The following NECTIN1 variants were observed in gnomAD, a reference collection of about 807,000 sequenced individuals.
NECTIN1 encodes the protein nectin-1.
A neutral mutation model predicts 48.0 loss-of-function variants in NECTIN1; 23 were observed. The ratio of observed to expected loss-of-function variants is 0.48; its 90% CI spans 0.34 to 0.68. The LOEUF (loss-of-function observed/expected upper bound fraction) is 0.68. Among genes scored for constraint, NECTIN1 ranks in the 30% least tolerant of loss-of-function variants. The pLI, the probability that NECTIN1 is intolerant of heterozygous loss-of-function variation, is 0.01. For missense variants in NECTIN1, 591 were observed against 709.9 expected, an observed-to-expected ratio of 0.83 and a Z score of 1.90; for synonymous variants, 270 against 288.9, an observed-to-expected ratio of 0.93 and a Z score of 0.66.
At chr11:119,697,974 C>T (rs1865371595) in intron 1 of NECTIN1, among the ~76,000 whole-genome samples, 1 of 152,202 alleles carries the variant, frequency 6.6e-6, no homozygotes, top group African/African-American at 2.4e-5. Flanking sequence ...AGCTCCTTAC[C>T]AGGGACAGGG....
rs528106845 is a variant in NECTIN1, at chr11:119,697,361, C to T, written c.80-18596G>A. 5.9e-5 allele frequency among the ~76,000 whole-genome samples: 9 copies of T among 152,296 alleles called. No individual in the cohort carries two copies. In the South Asian group the frequency reaches 1.0e-3, roughly 18 times the overall value. ...TGCTCCAGCCCTGGTCCCATCAGCA[C>T]GGTTGGCATTTCACAGCAACTTTTC... is the stretch of plus-strand genomic sequence containing the variant. On this transcript the variant is annotated intron_variant, in intron 1 of 5. Coordinates refer to ENST00000264025, the MANE Select transcript of NECTIN1 (RefSeq NM_002855.5).
At chr11:119,648,450 G>C (rs934817728) in intron 5 of NECTIN1, among the ~76,000 whole-genome samples, 10 of 132,828 alleles carry the variant, frequency 7.5e-5, no homozygotes, top group African/African-American at 2.9e-4. Flanking sequence ...TGCTGGGCCA[G>C]CTGCATGAAG....
In NECTIN1 at chr11:119,648,460, G is replaced by A. The variant is rs140289421; in HGVS notation, c.1004-8448C>T. On this transcript the variant is annotated intron_variant, in intron 5 of 7. Transcript: ENST00000341398. ...GGTGGTGCTGGGCCAGCTGCATGAAGATGAGCACCAGACTCTTCCAGCACC... is the reference window on the plus strand; with the variant it reads ...GGTGGTGCTGGGCCAGCTGCATGAAAATGAGCACCAGACTCTTCCAGCACC... Among the ~76,000 whole-genome samples, 230 of 113,210 alleles carry A rather than the reference G, an allele frequency of 2.0e-3. 1 individual carries two copies. The highest frequency in any genetic ancestry group is 3.8e-3 in the Middle Eastern group (1 of 260). The allele number at this position is 113,210 out of a possible 152,430, so 74.3% of individuals were successfully genotyped here.
At chr11:119,715,072 G>A (rs538634524) in intron 1 of NECTIN1, among the ~76,000 whole-genome samples, 99 of 152,340 alleles carry the variant, frequency 6.5e-4, no homozygotes, top group African/African-American at 2.2e-3. Context: ...GGGCAGTCAG[G>A]GCTGTCCTGG....
At chr11:119,693,145 C>T (rs1436791011) in intron 1 of NECTIN1, among the ~76,000 whole-genome samples, 1 of 152,204 alleles carries the variant, frequency 6.6e-6, no homozygotes, top group Non-Finnish European at 1.5e-5. Flanking sequence ...CATTCTTCCC[C>T]TGTTCCTCTT....
chr11:119,682,424 G>C (rs1180112893), intron 1 of NECTIN1, among the ~76,000 whole-genome samples: 1 of 152,160 alleles, frequency 6.6e-6, no homozygotes, highest in Non-Finnish European at 1.5e-5. Context: ...CTGCAGCCTT[G>C]ACAACCTGAA....
At chr11:119,715,025 C>T (rs1358962216) in intron 1 of NECTIN1, among the ~76,000 whole-genome samples, 1 of 152,014 alleles carries the variant, frequency 6.6e-6, no homozygotes, top group Non-Finnish European at 1.5e-5. Context: ...GATTCCAACA[C>T]TAATGGGAGG....
At chr11:119,722,559 C>A (rs1223108315) in intron 1 of NECTIN1, among the ~76,000 whole-genome samples, 1 of 152,268 alleles carries the variant, frequency 6.6e-6, no homozygotes, top group Non-Finnish European at 1.5e-5. Flanking sequence ...GGGAGCGAGG[C>A]AGGTGCCGGG....
At chr11:119,674,492 A>G in intron 5 of NECTIN1, 1 of 1,612,398 alleles carries the variant, frequency 6.2e-7, no homozygotes, top group Non-Finnish European at 8.5e-7. Flanking sequence ...GGTACATCAT[A>G]CTGTCCCCGT....
At chr11:119,674,145 T>C (rs1186256180) in intron 5 of NECTIN1, among the ~76,000 whole-genome samples, 1 of 152,138 alleles carries the variant, frequency 6.6e-6, no homozygotes, top group Non-Finnish European at 1.5e-5. Flanking sequence ...TGCAGTGGCT[T>C]TGTGGCCGGA....
downstream of NECTIN1, among the ~76,000 whole-genome samples, chr11:119,660,400 TG>T (rs547588447): frequency 2.5e-4 from 27 of 108,746 alleles, no homozygotes; most frequent in South Asian, 6.0e-4. Flanking sequence ...TGGAGAAAAA[TG>T]GGGGGGTACA....
rs138562509 is a variant in NECTIN1 at position 119,673,799 on chromosome 11, G to A, written c.1003+1360C>T. ...TGAGGCTCATTTTGAGCTGTACTTG[G>A]ACCTTCCCCGCTGGGGAGAAGTGTG... On this transcript the variant is annotated intron_variant, in intron 5 of 5. Coordinates refer to ENST00000264025, the MANE Select transcript of NECTIN1 (RefSeq NM_002855.5). This position sits in a 1 kb window ranked among gnomAD's most constrained non-coding sequence, Gnocchi z 5.8. 1.3e-5 allele frequency among the ~76,000 whole-genome samples: 2 copies of A among 152,266 alleles called. No individual in the cohort carries two copies. Among genetic ancestry groups the A allele is most frequent in the East Asian group, 3.9e-4 (2 of 5,176 alleles).
chr11:119,705,072 C>T (rs1865525021), intron 1 of NECTIN1, among the ~76,000 whole-genome samples: 1 of 152,104 alleles, frequency 6.6e-6, no homozygotes, highest in Admixed American at 6.5e-5. Flanking sequence ...TGATAAGGCT[C>T]TACGGGAGGC....
chr11:119,676,883 A>G (rs1228865018), intron 4 of NECTIN1: 10 of 594,960 alleles, frequency 1.7e-5, no homozygotes, highest in Non-Finnish European at 2.7e-5. Context: ...CTCTGGCAGA[A>G]TAGCTTGTTC....
chr11:119,671,247 G>C (rs1864857825), intron 5 of NECTIN1, among the ~76,000 whole-genome samples: 1 of 152,040 alleles, frequency 6.6e-6, no homozygotes, highest in Non-Finnish European at 1.5e-5. Context: ...GCCAGGAGCA[G>C]AGCTGCAAGG....
intron 5 of NECTIN1, chr11:119,642,575 G>C (rs1864342572): frequency 6.5e-6 from 1 of 153,668 alleles, no homozygotes; most frequent in African/African-American, 2.4e-5. Context: ...TTTGCCAAGA[G>C]AGGGTGGCAG....
chr11:119,648,280 G>A (rs199542488), intron 5 of NECTIN1, among the ~76,000 whole-genome samples: 10 of 43,754 alleles, frequency 2.3e-4, no homozygotes, highest in East Asian at 1.0e-3. Context: ...GGTGGTGATG[G>A]TGGTGGTGAT....
intron 5 of NECTIN1, among the ~76,000 whole-genome samples, chr11:119,666,946 C>T (rs577396535): frequency 8.5e-5 from 13 of 152,290 alleles, no homozygotes; most frequent in South Asian, 4.1e-4. Context: ...TCCAAGGTCA[C>T]GCGGCTGAGC....
chr11:119,678,468 A>C lies in NECTIN1; in HGVS notation c.377T>G (p.Phe126Cys), dbSNP rs773877827. Residue 126 changes from phenylalanine (F) to cysteine (C), a missense_variant, in exon 2 of 6, where the codon TTT becomes TGT. By Grantham distance (205) the Phe-to-Cys change is radical (BLOSUM62 -2). Coordinates refer to ENST00000264025, the MANE Select transcript of NECTIN1 (RefSeq NM_002855.5). The surrounding 1 kb of genome is among the most constrained non-coding windows in gnomAD (Gnocchi z 4.4). ...LEDEGVYICE[F>C]ATFPTGNRES... ...TCGATTGCCCGTAGGGAAGGTAGCA[A>C]ACTCGCAGATGTAGACACCCTCATC... is the stretch of plus-strand genomic sequence containing the variant. The C allele has an allele frequency of 1.2e-6, 2 of 1,614,106 alleles. No homozygotes were observed. Among genetic ancestry groups the C allele is most frequent in the Admixed American group, 3.3e-5 (2 of 60,010 alleles).
Sources: allele counts gnomAD v4.1 joint callset (sites outside exome capture counted in the v4.1 genomes callset), GRCh38; gene constraint gnomAD v4.1.1; non-coding constraint Gnocchi (gnomAD v3.1); transcripts MANE v1.5; gene names NCBI Gene and HGNC (gene_info 2026-07-23, HGNC 2026-07-21).